Variants in ICA1 observed in about 807,000 individuals in gnomAD.
The protein encoded by ICA1 is 69 kDa islet cell autoantigen.
Under a neutral mutation model 71.0 loss-of-function variants are expected in ICA1, and 40 were observed. The ratio of observed to expected loss-of-function variants is 0.56; its 90% CI spans 0.44 to 0.73. The LOEUF is 0.73. Ranked by LOEUF, ICA1 falls within the 30% of genes least tolerant of loss-of-function variation. The pLI is 0.00. For missense variants in ICA1, 578 were observed against 576.5 expected (o/e 1.00, Z -0.03); for synonymous variants, 207 against 209.5 (o/e 0.99, Z 0.10).
At chr7:8,151,489 G>A (rs1050708662) in intron 8 of ICA1, among the ~76,000 whole-genome samples, 6 of 152,212 alleles carry the variant, frequency 3.9e-5, no homozygotes, top group African/African-American at 7.2e-5. Context: ...GAAAAAAACA[G>A]CCTTGCTAAA....
chr7:8,207,147 A>T (rs1791887173), intron 6 of ICA1, among the ~76,000 whole-genome samples: 1 of 152,234 alleles, frequency 6.6e-6, no homozygotes, highest in Admixed American at 6.5e-5. Context: ...TCTAAATGAC[A>T]ATGGTTGTCT....
intron 12 of ICA1, among the ~76,000 whole-genome samples, chr7:8,128,418 T>C (rs1338977025): frequency 6.6e-6 from 1 of 152,164 alleles, no homozygotes; most frequent in East Asian, 1.9e-4. Context: ...TAAAAACAAA[T>C]TTACCAAAAC....
chr7:8,191,935 C>G (rs1304401061), intron 6 of ICA1, among the ~76,000 whole-genome samples: 1 of 152,106 alleles, frequency 6.6e-6, no homozygotes, highest in African/African-American at 2.4e-5. Flanking sequence ...ACCCTTCACC[C>G]AGATTCCCAA....
intron 6 of ICA1, among the ~76,000 whole-genome samples, chr7:8,164,025 G>C (rs1804894800): frequency 6.6e-6 from 1 of 151,926 alleles, no homozygotes. Context: ...GAATAGATTT[G>C]GGCTGGGCTC....
intron 10 of ICA1, among the ~76,000 whole-genome samples, chr7:8,140,843 A>G (rs1794975998): frequency 6.6e-6 from 1 of 152,224 alleles, no homozygotes; most frequent in South Asian, 2.1e-4. Context: ...GTGGGTGGAA[A>G]GGTAAAAAGG....
chr7:8,231,045 T>C (rs1344028033), intron 3 of ICA1, among the ~76,000 whole-genome samples: 1 of 149,952 alleles, frequency 6.7e-6, no homozygotes, highest in Non-Finnish European at 1.5e-5. Flanking sequence ...ACGAATAAAA[T>C]AAAACATGGC....
intron 8 of ICA1, among the ~76,000 whole-genome samples, chr7:8,151,006 C>T (rs947983582): frequency 1.3e-5 from 2 of 152,186 alleles, no homozygotes; most frequent in Non-Finnish European, 2.9e-5. Flanking sequence ...GAAAGAAGAA[C>T]AAGTATATCC....
intron 1 of ICA1, among the ~76,000 whole-genome samples, chr7:8,260,359 A>C (rs1348998500): frequency 6.6e-6 from 1 of 152,194 alleles, no homozygotes; most frequent in Non-Finnish European, 1.5e-5. Context: ...AAGCAGTCAG[A>C]TAGTTACTCA....
chr7:8,142,213 G>A (rs1027592049), intron 9 of ICA1, among the ~76,000 whole-genome samples: 2 of 152,128 alleles, frequency 1.3e-5, no homozygotes, highest in African/African-American at 2.4e-5. Flanking sequence ...AGGTTAGCTC[G>A]GCTACAGAGG....
In ICA1 at chr7:8,222,620, T is replaced by G. The variant is rs529773511; in HGVS notation, c.257-1222A>C. On this transcript the variant is annotated intron_variant, in intron 4 of 13. Transcript: ENST00000402384. This position sits in a 1 kb window ranked among gnomAD's most constrained non-coding sequence, Gnocchi z 4.8. ...AACTCGATACTGCTACCTTATTAAT[T>G]TGTGACTATAGTTTCACCCTAAACA... Among the ~76,000 whole-genome samples, 1 of 152,204 alleles carries G rather than the reference T, an allele frequency of 6.6e-6. No individual in the cohort carries two copies. Among genetic ancestry groups the G allele is most frequent in the Non-Finnish European group, 1.5e-5 (1 of 68,032 alleles).
chr7:8,152,085 C>A (rs961480481), intron 8 of ICA1, among the ~76,000 whole-genome samples: 12 of 152,166 alleles, frequency 7.9e-5, no homozygotes. Flanking sequence ...CCTCTTCTAT[C>A]CCTGGTGGGA....
At chr7:8,139,068 C>A in intron 10 of ICA1, 21 bp from the exon 11 acceptor site, 12 of 1,596,622 alleles carry the variant, frequency 7.5e-6, no homozygotes, top group Non-Finnish European at 1.0e-5. Flanking sequence ...ACATGTGCAA[C>A]TGGTTACCAA....
At chr7:8,205,817 C>G (rs1042095272) in intron 6 of ICA1, among the ~76,000 whole-genome samples, 1 of 152,130 alleles carries the variant, frequency 6.6e-6, no homozygotes, top group Non-Finnish European at 1.5e-5. Context: ...GCACATTAAA[C>G]AGCATGAATA....
intron 10 of ICA1, among the ~76,000 whole-genome samples, chr7:8,141,091 G>A (rs1795085871): frequency 6.6e-6 from 1 of 152,194 alleles, no homozygotes; most frequent in Non-Finnish European, 1.5e-5. Flanking sequence ...TTGGTACTGT[G>A]TCACATTAAT....
chr7:8,120,872 C>T (rs140470585), intron 13 of ICA1, among the ~76,000 whole-genome samples: 72 of 152,248 alleles, frequency 4.7e-4, no homozygotes, highest in East Asian at 2.9e-3. Context: ...CATTTACCAG[C>T]GGGGAGAGCC....
chr7:8,236,037 A>G, intron 1 of ICA1, 32 bp from the exon 2 acceptor site: 1 of 1,123,490 alleles, frequency 8.9e-7, no homozygotes, highest in Non-Finnish European at 1.3e-6. Context: ...TAATAGTTAC[A>G]CACCATATTA....
At chr7:8,183,239 A>C (rs1782772474) in intron 6 of ICA1, among the ~76,000 whole-genome samples, 1 of 152,180 alleles carries the variant, frequency 6.6e-6, no homozygotes, top group African/African-American at 2.4e-5. Flanking sequence ...ACATGCCTAA[A>C]AGTCTTTACT....
At chr7:8,218,632 T>C (rs1286049436) in intron 5 of ICA1, 129 bp from the exon 6 acceptor site, 1 of 725,110 alleles carries the variant, frequency 1.4e-6, no homozygotes, top group Admixed American at 2.3e-5. Context: ...TCCATCAATA[T>C]TTGCTGAATA....
At chr7:8,155,396 T>C (rs1801135325) in intron 8 of ICA1, among the ~76,000 whole-genome samples, 1 of 152,214 alleles carries the variant, frequency 6.6e-6, no homozygotes, top group Admixed American at 6.5e-5. Context: ...CTCTGCAGGA[T>C]AAACGTCGTA....
Sources: allele counts gnomAD v4.1 joint callset (sites outside exome capture counted in the v4.1 genomes callset), GRCh38; gene constraint gnomAD v4.1.1; non-coding constraint Gnocchi (gnomAD v3.1); transcripts MANE v1.5; gene names NCBI Gene and HGNC (gene_info 2026-07-23, HGNC 2026-07-21).